FGF14: variants seen among roughly 807,000 people sequenced by gnomAD.
FGF14 encodes fibroblast growth factor homologous factor 4.
In FGF14, 5 loss-of-function variants were observed where a neutral mutation model predicts 25.5. The observed-to-expected ratio is 0.20, with a 90% confidence interval of 0.10 to 0.41. FGF14 has a LOEUF of 0.41. Among genes scored for constraint, FGF14 ranks in the 10% least tolerant of loss-of-function variants. The pLI, the probability that FGF14 is intolerant of heterozygous loss-of-function variation, is 1.00. For synonymous variants in FGF14, 138 were observed against 118.3 expected (o/e 1.17, Z -1.08); for missense variants, 222 against 320.1 (o/e 0.69, Z 2.34).
intron 1 of FGF14, among the ~76,000 whole-genome samples, chr13:101,974,729 A>G (rs1468579064): frequency 6.6e-6 from 1 of 152,086 alleles, no homozygotes; most frequent in Non-Finnish European, 1.5e-5. Context: ...AATCTCACGG[A>G]CAGTGGAAAA....
At chr13:102,251,597 G>C (rs537647365) in intron 1 of FGF14, among the ~76,000 whole-genome samples, 7 of 152,292 alleles carry the variant, frequency 4.6e-5, no homozygotes, top group African/African-American at 1.7e-4. Flanking sequence ...GAGTCCAGTA[G>C]AGATGCCAGC....
intron 1 of FGF14, among the ~76,000 whole-genome samples, chr13:102,365,442 C>T (rs992728544): frequency 4.6e-5 from 7 of 152,296 alleles, no homozygotes; most frequent in East Asian, 3.9e-4. Flanking sequence ...ATTTACAAAA[C>T]GGCGATAATA....
intron 1 of FGF14, among the ~76,000 whole-genome samples, chr13:102,244,329 A>G (rs1337980504): frequency 1.3e-5 from 2 of 152,046 alleles, no homozygotes; most frequent in African/African-American, 4.8e-5. Context: ...TCCCTGATAC[A>G]CAGAAATAGG....
intron 3 of FGF14, among the ~76,000 whole-genome samples, chr13:101,729,451 G>C (rs913055091): frequency 6.6e-6 from 1 of 152,118 alleles, no homozygotes; most frequent in African/African-American, 2.4e-5. Context: ...TAAATGGGAA[G>C]CAATGGAGCA....
chr13:101,916,256 GGCT>G (rs1204996593), intron 1 of FGF14, among the ~76,000 whole-genome samples, 194 bp downstream of exon 1: 3 of 152,224 alleles, frequency 2.0e-5, no homozygotes, highest in Non-Finnish European at 4.4e-5. Flanking sequence ...CATCTCTGGC[GGCT>G]GCACTTCTCG....
intron 1 of FGF14, among the ~76,000 whole-genome samples, chr13:101,932,228 C>T (rs182876735): frequency 2.2e-3 from 337 of 152,170 alleles, no homozygotes; most frequent in Non-Finnish European, 3.8e-3. Flanking sequence ...CTTTTCATTG[C>T]TTTTTAAAAA....
At chr13:101,963,365 T>C (rs972456905) in intron 1 of FGF14, among the ~76,000 whole-genome samples, 43 of 152,296 alleles carry the variant, frequency 2.8e-4, no homozygotes, top group South Asian at 4.1e-4. Context: ...CTACTAGATA[T>C]ACTGAGTTGC....
intron 1 of FGF14, among the ~76,000 whole-genome samples, chr13:102,221,988 G>C (rs2050633088): frequency 6.6e-6 from 1 of 152,104 alleles, no homozygotes; most frequent in Admixed American, 6.6e-5. Flanking sequence ...TTAGGAGTCA[G>C]AAATTGTTTA....
chr13:102,168,673 T>A (rs1447750700), intron 1 of FGF14, among the ~76,000 whole-genome samples: 1 of 152,166 alleles, frequency 6.6e-6, no homozygotes, highest in Non-Finnish European at 1.5e-5. Context: ...GAACTTCTTA[T>A]AATAAACCAT....
chr13:101,815,652 G>A (rs1483246022), intron 3 of FGF14, among the ~76,000 whole-genome samples: 4 of 138,402 alleles, frequency 2.9e-5, no homozygotes, highest in Admixed American at 6.8e-5. Context: ...GACTTAAAAG[G>A]GATCTCCTCC....
intron 1 of FGF14, among the ~76,000 whole-genome samples, chr13:102,017,935 C>A (rs909161022): frequency 2.0e-5 from 3 of 152,096 alleles, no homozygotes; most frequent in Admixed American, 2.0e-4. Flanking sequence ...TTCCAACACT[C>A]CTGGATGGGA....
At chr13:102,015,334 T>A (rs962473952) in intron 1 of FGF14, among the ~76,000 whole-genome samples, 1 of 152,222 alleles carries the variant, frequency 6.6e-6, no homozygotes, top group Admixed American at 6.5e-5. Flanking sequence ...GAATATATAT[T>A]TTTAAAATCT....
intron 1 of FGF14, among the ~76,000 whole-genome samples, chr13:102,096,513 C>A (rs9513980): frequency 6.6e-6 from 1 of 151,898 alleles, no homozygotes; most frequent in Non-Finnish European, 1.5e-5. Context: ...TCACTGAAAA[C>A]TTAATATGCG....
intron 1 of FGF14, among the ~76,000 whole-genome samples, chr13:102,194,505 GAATA>G (rs1365630468): frequency 6.6e-6 from 1 of 151,962 alleles, no homozygotes; most frequent in Non-Finnish European, 1.5e-5. Context: ...TTACTTGGCA[GAATA>G]AATAATCAGT....
chr13:102,208,166 A>G (rs896067709), intron 1 of FGF14, among the ~76,000 whole-genome samples: 1 of 152,184 alleles, frequency 6.6e-6, no homozygotes, highest in Non-Finnish European at 1.5e-5. Context: ...GAGATTCGCA[A>G]GGGGAAAGGC....
chr13:102,036,377 T>C (rs905002921), intron 1 of FGF14, among the ~76,000 whole-genome samples: 2 of 152,110 alleles, frequency 1.3e-5, no homozygotes, highest in African/African-American at 4.8e-5. Flanking sequence ...ACATGACAGT[T>C]AGACGCAGAA....
intron 1 of FGF14, among the ~76,000 whole-genome samples, chr13:101,907,000 G>A (rs958974455): frequency 3.9e-5 from 6 of 152,090 alleles, no homozygotes; most frequent in Non-Finnish European, 8.8e-5. Context: ...AAACTTGAGT[G>A]ATATTTATCA....
At chr13:102,288,970 T>C (rs532630509) in intron 1 of FGF14, among the ~76,000 whole-genome samples, 11 of 152,180 alleles carry the variant, frequency 7.2e-5, no homozygotes, top group Non-Finnish European at 7.4e-5. Context: ...TTTTTTTCAA[T>C]TGGAGTACCA....
intron 1 of FGF14, among the ~76,000 whole-genome samples, chr13:102,333,704 T>C (rs920517448): frequency 6.6e-6 from 1 of 151,848 alleles, no homozygotes; most frequent in African/African-American, 2.4e-5. Flanking sequence ...TGTCTAGGAG[T>C]GAATAAACAA....
Sources: allele counts gnomAD v4.1 joint callset (sites outside exome capture counted in the v4.1 genomes callset), GRCh38; gene constraint gnomAD v4.1.1; transcripts MANE v1.5; gene names NCBI Gene and HGNC (gene_info 2026-07-23, HGNC 2026-07-21).